POLR2B: variants seen among roughly 807,000 people sequenced by gnomAD.
The protein encoded by POLR2B is RNA polymerase II subunit B, also known as DNA-directed RNA polymerase II subunit RPB2.
POLR2B carries 57 observed loss-of-function variants against 144.6 expected under a neutral mutation model. The ratio of observed to expected loss-of-function variants is 0.39; its 90% CI spans 0.32 to 0.49. The LOEUF (loss-of-function observed/expected upper bound fraction) is 0.49. Ranked by LOEUF, POLR2B falls within the 20% of genes least tolerant of loss-of-function variation. The probability of loss-of-function intolerance (pLI) is 0.83; values close to 1 mark genes in which losing one functional copy is unlikely to be tolerated. For synonymous variants in POLR2B, 442 were observed against 469.8 expected (o/e 0.94, Z 0.77); for missense variants, 595 against 1,467.4 (o/e 0.41, Z 9.71).
At chr4:57,024,262 C>A in intron 21 of POLR2B, 150 bp downstream of exon 21, 1 of 510,160 alleles carries the variant, frequency 2.0e-6, no homozygotes, top group Non-Finnish European at 3.4e-6. Flanking sequence ...ATGATTCTGC[C>A]ATTTTTTTTG....
rs759089136 is a variant in POLR2B, at chr4:56,986,246, C to T, written c.20-108C>T. The T allele has an allele frequency of 5.1e-6, 4 of 779,214 alleles. 1 individual carries two copies. In the South Asian group the frequency reaches 5.5e-5, roughly 11 times the overall value. The allele number at this position is 779,214 out of a possible 1,614,324, so 48.3% of individuals were successfully genotyped here. On this transcript the variant is annotated intron_variant, in intron 1 of 24. Coordinates refer to ENST00000314595, the MANE Select transcript of POLR2B (RefSeq NM_000938.3). ...TTAGAAAAGTGGGGTGAAAGCATTA[C>T]TTATTCAGCAGAAAGTAAATATGTT...
In POLR2B at chr4:57,015,642, A is replaced by C; in HGVS notation, c.1941A>C (p.Glu647Asp). 2 of 1,442,440 alleles carry C rather than the reference A, an allele frequency of 1.4e-6. No individual in the cohort carries two copies. The highest frequency in any genetic ancestry group is 1.9e-6 in the Non-Finnish European group (2 of 1,078,532). 89.4% of individuals were successfully genotyped at this position (1,442,440 alleles called of 1,614,324 possible). ...KRHIDQLKER[E>D]YNNYSWQDLV... The stretch of plus-strand genomic sequence containing the variant: ...ATATTGACCAATTGAAAGAGAGAGA[A>C]TATAACAACTATAGGTAAAAACATG... The change falls in exon 14 of 25, where the codon GAA (glutamate) becomes GAC (aspartate). Residue 647 changes from glutamate (E) to aspartate (D), a missense_variant. Glu to Asp is a conservative substitution (Grantham distance 45). Coordinates refer to ENST00000314595, the MANE Select transcript of POLR2B (RefSeq NM_000938.3).
At chr4:56,998,159 A>G (rs899178010) in intron 6 of POLR2B, among the ~76,000 whole-genome samples, 1 of 152,132 alleles carries the variant, frequency 6.6e-6, no homozygotes, top group African/African-American at 2.4e-5. Flanking sequence ...AGAGAACATA[A>G]TAAGTTCAGT....
At chr4:57,011,422 G>A (rs1189901258) in intron 13 of POLR2B, among the ~76,000 whole-genome samples, 1 of 152,194 alleles carries the variant, frequency 6.6e-6, no homozygotes, top group Non-Finnish European at 1.5e-5. Flanking sequence ...CAGCTACTCG[G>A]GAGGCTGAGA....
Position 57,011,330 on chromosome 4 carries a change from G to A in POLR2B, c.1800+230G>A, listed in dbSNP as rs577448028. Among the ~76,000 whole-genome samples, 26 of 151,750 alleles carry A rather than the reference G, an allele frequency of 1.7e-4. 1 individual carries two copies. In the East Asian group the frequency reaches 4.3e-3, roughly 25 times the overall value. On this transcript the variant is annotated intron_variant, in intron 13 of 24. Transcript: ENST00000314595. ...ATCACCTGAGGTCAGGAGTTCAAGC[G>A]CAGCCTGGCCAATATGGCGAAACCC...
intron 1 of POLR2B, among the ~76,000 whole-genome samples, chr4:56,984,325 A>G (rs999029187): frequency 2.4e-5 from 3 of 127,386 alleles, no homozygotes; most frequent in Admixed American, 8.6e-5. Flanking sequence ...GATTCCAACT[A>G]TGTACTTTTT....
At chr4:56,996,205 C>CTTGTGTGTGT in intron 6 of POLR2B, among the ~76,000 whole-genome samples, 1 of 41,166 alleles carries the variant, frequency 2.4e-5, no homozygotes, top group East Asian at 1.7e-3. Context: ...TATTTCAGTT[C>CTTGTGTGTGT]ATGTGTGTGT....
At chr4:57,015,040 T>C (rs971639133) in intron 13 of POLR2B, among the ~76,000 whole-genome samples, 1 of 152,092 alleles carries the variant, frequency 6.6e-6, no homozygotes, top group Non-Finnish European at 1.5e-5. Flanking sequence ...AAGCCATTTG[T>C]CTGAGGGTGG....
Position 57,030,965 on chromosome 4 carries a change from G to A in POLR2B, c.3502G>A (p.Ala1168Thr), listed in dbSNP as rs754860997. The A allele has an allele frequency of 6.3e-7, 1 of 1,595,628 alleles. No homozygotes were observed. Among genetic ancestry groups the A allele is most frequent in the Admixed American group, 1.7e-5 (1 of 59,992 alleles). ...LFQELMSMSI[A>T]PRMMSV ...TCAGGAACTTATGTCTATGAGTATT[G>A]CACCGCGAATGATGAGTGTTTAGCT... The change falls in exon 25 of 25, where the codon GCA (alanine) becomes ACA (threonine). Residue 1168 changes from alanine (A) to threonine (T), a missense_variant. Physicochemically the swap from Ala to Thr is moderately conservative, Grantham distance 58 (BLOSUM62 0). Transcript: ENST00000314595.
chr4:56,988,110 A>C (rs1411268351), intron 2 of POLR2B, among the ~76,000 whole-genome samples: 1 of 151,928 alleles, frequency 6.6e-6, no homozygotes, highest in Non-Finnish European at 1.5e-5. Context: ...ATATAAGTAT[A>C]TATTTTTCCA....
chr4:56,979,647 C>T (rs1393192293), intron 1 of POLR2B, among the ~76,000 whole-genome samples: 3 of 152,104 alleles, frequency 2.0e-5, no homozygotes, highest in Non-Finnish European at 2.9e-5. Context: ...AGTGGCCGAG[C>T]GCGGTGGCTC....
At chr4:57,016,017 C>G (rs1723355042) in intron 14 of POLR2B, among the ~76,000 whole-genome samples, 1 of 152,136 alleles carries the variant, frequency 6.6e-6, no homozygotes, top group African/African-American at 2.4e-5. Flanking sequence ...CTTCAGCCTC[C>G]CAGAGTGCTG....
At chr4:56,987,411 C>T (rs1722366523) in intron 2 of POLR2B, among the ~76,000 whole-genome samples, 1 of 2,056 alleles carries the variant, frequency 4.9e-4, no homozygotes, top group Admixed American at 8.1e-3. Flanking sequence ...ACTCTTCTCT[C>T]TCTTCTCTCA....
At chr4:57,024,235 C>T (rs1481495831) in intron 21 of POLR2B, 123 bp downstream of exon 21, 2 of 539,090 alleles carry the variant, frequency 3.7e-6, no homozygotes, top group East Asian at 3.3e-5. Flanking sequence ...ACTTACTTTT[C>T]TGCTTTCAAA....
rs1723160861 is a variant in POLR2B at position 57,010,613 on chromosome 4, A to G, written c.1548+109A>G. The stretch of plus-strand genomic sequence containing the variant: ...AAAAATTATGCAGAGTGGTTTAGAA[A>G]TAAGTTTTTTTTATAATTGTATTCT... On this transcript the variant is annotated intron_variant, in intron 11 of 24. Coordinates refer to ENST00000314595, the MANE Select transcript of POLR2B (RefSeq NM_000938.3). 1.0e-5 allele frequency: 14 copies of G among 1,371,722 alleles called. No individual in the cohort carries two copies. In the South Asian group the frequency reaches 1.4e-4, roughly 14 times the overall value. 85.0% of individuals were successfully genotyped at this position (1,371,722 alleles called of 1,614,324 possible).
Position 57,017,205 on chromosome 4 carries a change from C to G in POLR2B, c.2118C>G (p.Val706=). 6.2e-7 allele frequency: 1 copy of G among 1,613,038 alleles called. No individual in the cohort carries two copies. Among genetic ancestry groups the G allele is most frequent in the Non-Finnish European group, 8.5e-7 (1 of 1,179,438 alleles). The change falls in exon 15 of 25, where the codon GTC becomes GTG. Residue 706 remains valine (V), a synonymous_variant. Coordinates refer to ENST00000314595, the MANE Select transcript of POLR2B (RefSeq NM_000938.3). This position sits in a 1 kb window ranked among gnomAD's most constrained non-coding sequence, Gnocchi z 4.8. ...CEIHPSMILG[V]CASIIPFPDH... ...TTCATCCCTCAATGATCCTTGGTGT[C>G]TGTGCATCTATTATTCCCTTTCCTG...
In POLR2B at chr4:57,025,364, G is replaced by C. The variant is rs776629655; in HGVS notation, c.3079-13G>C. ...TTTTTAGGTCTACACTTCAAAATCT[G>C]TGTTTGTTGCAGGTCCTGTACAATG... On this transcript the variant is annotated splice_polypyrimidine_tract_variant and intron_variant, in intron 22 of 24. Coordinates refer to ENST00000314595, the MANE Select transcript of POLR2B (RefSeq NM_000938.3). 1 of 1,603,854 alleles carries C rather than the reference G, an allele frequency of 6.2e-7. No homozygotes were observed. The highest frequency in any genetic ancestry group is 1.7e-5 in the Admixed American group (1 of 59,898).
intron 1 of POLR2B, among the ~76,000 whole-genome samples, chr4:56,981,807 T>C (rs1722164282): frequency 6.6e-6 from 1 of 152,262 alleles, no homozygotes; most frequent in African/African-American, 2.4e-5. Flanking sequence ...TCATCTTTCA[T>C]GTGCTTTTCA....
At chr4:57,002,961 C>T (rs1398629272) in intron 7 of POLR2B, among the ~76,000 whole-genome samples, 1 of 152,188 alleles carries the variant, frequency 6.6e-6, no homozygotes, top group Non-Finnish European at 1.5e-5. Flanking sequence ...TGTTACCCTT[C>T]ATTTCTCATG....
Sources: gnomAD v4.1 joint callset for allele counts (sites outside exome capture counted in the v4.1 genomes callset) on GRCh38, gnomAD v4.1.1 for gene constraint, Gnocchi (gnomAD v3.1) non-coding constraint, MANE v1.5 for transcripts, NCBI Gene and HGNC (gene_info 2026-07-23, HGNC 2026-07-21) for gene names.